The following ACSF2 variants were observed in gnomAD, a reference collection of about 807,000 sequenced individuals.
The protein encoded by ACSF2 is acyl-CoA synthetase family member 2, also known as medium-chain acyl-CoA ligase ACSF2, mitochondrial.
ACSF2 carries 52 observed loss-of-function variants against 79.3 expected under a neutral mutation model. That is an observed-to-expected ratio of 0.66 (90% CI 0.53 to 0.83). The LOEUF (loss-of-function observed/expected upper bound fraction) is 0.83. ACSF2 is among the 40% of genes least tolerant of loss of function. The pLI is 0.00. For missense variants in ACSF2, 661 were observed against 803.3 expected (o/e 0.82, Z 2.14); for synonymous variants, 283 against 312.6 (o/e 0.91, Z 1.00).
chr17:50,449,368 G>T (rs1424251913), intron 1 of ACSF2, among the ~76,000 whole-genome samples: 1 of 148,230 alleles, frequency 6.7e-6, no homozygotes, highest in East Asian at 2.0e-4. Flanking sequence ...TGTTTTCAAG[G>T]TTCCACCATG....
intron 1 of ACSF2, among the ~76,000 whole-genome samples, chr17:50,429,060 A>G (rs1915287498): frequency 6.6e-6 from 1 of 152,250 alleles, no homozygotes; most frequent in South Asian, 2.1e-4. Context: ...CCTGTTGCCC[A>G]ACACCCAGGC....
chr17:50,432,773 C>A (rs1014846621), intron 1 of ACSF2, among the ~76,000 whole-genome samples: 1 of 152,180 alleles, frequency 6.6e-6, no homozygotes, highest in African/African-American at 2.4e-5. Flanking sequence ...CCAGTCCTAA[C>A]TTAGTGTGGC....
intron 1 of ACSF2, among the ~76,000 whole-genome samples, chr17:50,429,594 A>C (rs1374510564): frequency 6.6e-6 from 1 of 150,804 alleles, no homozygotes; most frequent in Non-Finnish European, 1.5e-5. Context: ...ATCTCAGGTC[A>C]CTGTAACCTC....
intron 1 of ACSF2, among the ~76,000 whole-genome samples, chr17:50,454,103 T>C (rs1400221015): frequency 6.6e-6 from 1 of 151,452 alleles, no homozygotes; most frequent in Admixed American, 6.6e-5. Context: ...AGGTCCAGGC[T>C]GCAGTCAGTG....
intron 11 of ACSF2, chr17:50,472,224 GC>G: frequency 1.8e-6 from 1 of 558,344 alleles, no homozygotes; most frequent in Non-Finnish European, 3.0e-6. Flanking sequence ...CTTCTTTCAT[GC>G]CCAGCTCAGG....
At chr17:50,440,704 G>A (rs578113229) in intron 1 of ACSF2, among the ~76,000 whole-genome samples, 4 of 152,338 alleles carry the variant, frequency 2.6e-5, no homozygotes, top group South Asian at 4.1e-4. Context: ...CAGCTGGCTC[G>A]TGTTTTCTGT....
intron 10 of ACSF2, chr17:50,469,074 G>T: frequency 1.6e-6 from 2 of 1,237,208 alleles, no homozygotes; most frequent in Middle Eastern, 3.1e-4. Context: ...TGGGACCGTG[G>T]CCCCCGAGCC....
chr17:50,459,259 GAGAC>G (rs2143689877), intron 1 of ACSF2, among the ~76,000 whole-genome samples: 1 of 152,268 alleles, frequency 6.6e-6, no homozygotes, highest in South Asian at 2.1e-4. Context: ...TTTGTTGTTT[GAGAC>G]AGGGCCTCTC....
At position 50,474,536 on chromosome 17, in the gene ACSF2, G is replaced by A. The variant is rs767530493; in HGVS notation, c.1832G>A (p.Arg611Gln). The A allele has an allele frequency of 6.8e-6, 11 of 1,614,138 alleles. No individual in the cohort carries two copies. Among genetic ancestry groups the A allele is most frequent in the Admixed American group, 1.7e-5 (1 of 60,026 alleles). ...TTCAAACTTCGAGAGCAGATGGAAC[G>A]ACATCTAAATCTGTGAATAAAGCAG... ...QKFKLREQME[R>Q]HLNL Residue 611 changes from arginine to glutamine, a missense_variant, in exon 16 of 16, where the codon CGA becomes CAA. By Grantham distance (43) the Arg-to-Gln change is conservative (BLOSUM62 1). Coordinates refer to ENST00000300441, the MANE Select transcript of ACSF2 (RefSeq NM_025149.6). This position sits in a 1 kb window ranked among gnomAD's most constrained non-coding sequence, Gnocchi z 4.2.
At position 50,464,614 on chromosome 17, in the gene ACSF2, A is replaced by T. The variant is rs2032561277; in HGVS notation, c.1215+320A>T. 9.4e-6 allele frequency: 5 copies of T among 532,968 alleles called. No individual in the cohort carries two copies. In the African/African-American group the frequency reaches 9.4e-5, roughly 10 times the overall value. The allele number at this position is 532,968 out of a possible 1,614,324, so 33.0% of individuals were successfully genotyped here. A position where few individuals can be genotyped will look rare whatever the true frequency, so the allele number is the denominator to read the frequency against. On this transcript the variant is annotated intron_variant, in intron 10 of 15. Coordinates refer to ENST00000300441, the MANE Select transcript of ACSF2 (RefSeq NM_025149.6). ...CGTCCTGGCAGGTGGGGGCTGGCAG[A>T]GTTGGGGCATGGGCTTTAAAACCCT...
chr17:50,472,176 ACT>A (rs2033152926), intron 11 of ACSF2: 3 of 484,582 alleles, frequency 6.2e-6, no homozygotes, highest in South Asian at 2.8e-5. Context: ...CTGCCTGCCC[ACT>A]CTGTTTCCTC....
At chr17:50,465,570 G>C in intron 10 of ACSF2, 2 of 1,455,414 alleles carry the variant, frequency 1.4e-6, no homozygotes, top group Non-Finnish European at 1.9e-6. Flanking sequence ...TTTACAAATG[G>C]GGAAACTGAG....
intron 10 of ACSF2, 83 bp downstream of exon 10, chr17:50,464,377 C>A: frequency 1.4e-6 from 2 of 1,387,732 alleles, no homozygotes; most frequent in Non-Finnish European, 2.1e-6. Flanking sequence ...TGAGTCCAGG[C>A]CAGATGTTCA....
At chr17:50,461,805 A>T in intron 4 of ACSF2, 119 bp downstream of exon 4, 1 of 1,308,788 alleles carries the variant, frequency 7.6e-7, no homozygotes, top group South Asian at 1.2e-5. Context: ...TGATACGCAG[A>T]GTGTCCTTCC....
intron 1 of ACSF2, among the ~76,000 whole-genome samples, chr17:50,437,647 C>A (rs1479299037): frequency 1.3e-5 from 2 of 151,858 alleles, no homozygotes; most frequent in African/African-American, 4.8e-5. Context: ...CAGAGTGAGA[C>A]CCTGTCTCAA....
rs143849196 is a variant in ACSF2, at chr17:50,442,745, C to T, written c.128+16356C>T. Among the ~76,000 whole-genome samples the T allele has an allele frequency of 4.0e-3, 616 of 152,216 alleles. 3 individuals carry two copies. The highest frequency in any genetic ancestry group is 6.5e-3 in the Non-Finnish European group (443 of 67,968). On this transcript the variant is annotated intron_variant, in intron 1 of 15. Transcript: ENST00000300441. ...ATCCCAAAGCGTTGGGATTATAGGT[C>T]GTGAGCCATTTTGCCTGACCATGTC... is the stretch of plus-strand genomic sequence containing the variant.
chr17:50,448,265 G>A (rs768573729), intron 1 of ACSF2, among the ~76,000 whole-genome samples: 1 of 152,196 alleles, frequency 6.6e-6, no homozygotes, highest in Non-Finnish European at 1.5e-5. Context: ...TCTAAACGTA[G>A]AAAAGGTATA....
chr17:50,427,558 A>T (rs1218711319), intron 1 of ACSF2, among the ~76,000 whole-genome samples: 4 of 151,342 alleles, frequency 2.6e-5, no homozygotes, highest in Admixed American at 2.6e-4. Flanking sequence ...CCCTCCCCTG[A>T]CCCCCTAGTC....
chr17:50,441,382 C>T (rs2030904095), intron 1 of ACSF2, among the ~76,000 whole-genome samples: 1 of 152,154 alleles, frequency 6.6e-6, no homozygotes, highest in African/African-American at 2.4e-5. Context: ...ACCATGTTGC[C>T]CAGGCTGGTC....
Sources: gnomAD v4.1 joint callset for allele counts (sites outside exome capture counted in the v4.1 genomes callset) on GRCh38, gnomAD v4.1.1 for gene constraint, Gnocchi (gnomAD v3.1) non-coding constraint, MANE v1.5 for transcripts, NCBI Gene and HGNC (gene_info 2026-07-23, HGNC 2026-07-21) for gene names.